Variants in ASIC2 observed in about 807,000 individuals in gnomAD.
The protein encoded by ASIC2 is acid sensing ion channel subunit 2, also known as acid-sensing ion channel 2.
In ASIC2, 25 loss-of-function variants were observed where a neutral mutation model predicts 57.3. The ratio of observed to expected loss-of-function variants is 0.44; its 90% confidence interval spans 0.32 to 0.61. The LOEUF (loss-of-function observed/expected upper bound fraction) is 0.61. Among genes scored for constraint, ASIC2 ranks in the 20% least tolerant of loss-of-function variants. The pLI is 0.06. For missense variants in ASIC2, 641 were observed against 738.1 expected, an observed-to-expected ratio of 0.87 and a Z score of 1.52; for synonymous variants, 319 against 307.5, an observed-to-expected ratio of 1.04 and a Z score of -0.39.
chr17:33,896,614 G>A (rs1284639099), intron 1 of ASIC2, among the ~76,000 whole-genome samples: 4 of 152,204 alleles, frequency 2.6e-5, no homozygotes, highest in Admixed American at 2.6e-4. Context: ...CCTATCGGGG[G>A]CTGTCTGTAG....
chr17:33,493,422 A>G (rs1259937404), intron 1 of ASIC2, among the ~76,000 whole-genome samples: 2 of 152,210 alleles, frequency 1.3e-5, no homozygotes, highest in Non-Finnish European at 2.9e-5. Flanking sequence ...TTGGATAACT[A>G]TAGTACAATC....
chr17:33,995,377 T>C (rs760467671), intron 1 of ASIC2, among the ~76,000 whole-genome samples: 2 of 152,156 alleles, frequency 1.3e-5, no homozygotes, highest in Non-Finnish European at 2.9e-5. Flanking sequence ...GAGTCTCCCC[T>C]GTCCATCCTT....
chr17:33,467,180 A>G (rs1597739010), intron 1 of ASIC2, among the ~76,000 whole-genome samples: 1 of 152,158 alleles, frequency 6.6e-6, no homozygotes, highest in African/African-American at 2.4e-5. Flanking sequence ...AGCTCAAGCG[A>G]TTTGCCTGCC....
At chr17:33,476,504 C>CATATAT (rs67811038) in intron 1 of ASIC2, among the ~76,000 whole-genome samples, 1,283 of 122,542 alleles carry the variant, frequency 0.01, 20 homozygotes, top group African/African-American at 0.018. Flanking sequence ...TGTGTGTGTG[C>CATATAT]ATATATATAT....
At chr17:33,881,973 G>A (rs1350166949) in intron 1 of ASIC2, among the ~76,000 whole-genome samples, 2 of 152,142 alleles carry the variant, frequency 1.3e-5, no homozygotes, top group Admixed American at 6.5e-5. Flanking sequence ...ACAACCATCT[G>A]ATCTTTGACA....
intron 1 of ASIC2, among the ~76,000 whole-genome samples, chr17:33,159,322 C>T (rs1441960348): frequency 2.0e-5 from 3 of 151,414 alleles, no homozygotes; most frequent in Admixed American, 6.6e-5. Flanking sequence ...AATCGTCTGC[C>T]TGTAACACTT....
At chr17:34,096,588 ATGG>A (rs1910554217) in intron 1 of ASIC2, among the ~76,000 whole-genome samples, 1 of 152,138 alleles carries the variant, frequency 6.6e-6, no homozygotes, top group Non-Finnish European at 1.5e-5. Flanking sequence ...TTGGCCGGGC[ATGG>A]TGGCTGTAAT....
chr17:33,894,836 G>A (rs1299224615), intron 1 of ASIC2, among the ~76,000 whole-genome samples: 4 of 152,138 alleles, frequency 2.6e-5, no homozygotes, highest in African/African-American at 7.2e-5. Flanking sequence ...AAAGGAATGA[G>A]ACAGGATGAA....
At chr17:33,688,501 A>G (rs954436049) in intron 1 of ASIC2, among the ~76,000 whole-genome samples, 1 of 152,228 alleles carries the variant, frequency 6.6e-6, no homozygotes, top group African/African-American at 2.4e-5. Context: ...GGCTGCCATC[A>G]AAGCTAACTC....
At chr17:33,069,913 T>C (rs981598960) in intron 3 of ASIC2, among the ~76,000 whole-genome samples, 5 of 152,320 alleles carry the variant, frequency 3.3e-5, no homozygotes, top group African/African-American at 1.2e-4. Flanking sequence ...TTTTCTCTTT[T>C]CTCCCTTCCC....
chr17:33,945,892 A>G (rs1035730077), intron 1 of ASIC2, among the ~76,000 whole-genome samples: 1 of 152,246 alleles, frequency 6.6e-6, no homozygotes, highest in African/African-American at 2.4e-5. Flanking sequence ...CACAAGTCTC[A>G]AAGTGGACAA....
intron 1 of ASIC2, among the ~76,000 whole-genome samples, chr17:33,729,129 G>A (rs914163300): frequency 3.3e-5 from 5 of 152,284 alleles, no homozygotes; most frequent in African/African-American, 1.2e-4. Flanking sequence ...ATTGGCTTAT[G>A]GCTCTGCAGA....
At chr17:33,470,881 T>C (rs1194763864) in intron 1 of ASIC2, among the ~76,000 whole-genome samples, 2 of 141,550 alleles carry the variant, frequency 1.4e-5, no homozygotes, top group African/African-American at 2.7e-5. Context: ...TTCTCAGTTA[T>C]GTTTCTGTTT....
intron 1 of ASIC2, among the ~76,000 whole-genome samples, chr17:33,517,444 C>T (rs1021212584): frequency 6.6e-6 from 1 of 152,244 alleles, no homozygotes; most frequent in African/African-American, 2.4e-5. Context: ...TACCCTACAC[C>T]TTAGCAATTT....
rs114088011 is a variant in ASIC2, at chr17:33,653,190, C to T, written c.555+502788G>A. On this transcript the variant is annotated intron_variant, in intron 1 of 9. Transcript: ENST00000359872. ...TAAAGGAAACTGGAGATCCAGATAG[C>T]GGAGAAGAGCTTGCTGGCCTTCTTC... Among the ~76,000 whole-genome samples, 468 of 152,276 alleles carry T rather than the reference C, an allele frequency of 3.1e-3. 1 individual carries two copies. The highest frequency in any genetic ancestry group is 0.011 in the African/African-American group (443 of 41,550).
intron 1 of ASIC2, chr17:34,036,693 T>G (rs941574181): frequency 2.1e-4 from 30 of 146,304 alleles, no homozygotes; most frequent in African/African-American, 6.5e-4. Context: ...TTTTTTTTTT[T>G]TTTTTTTTTT....
intron 1 of ASIC2, among the ~76,000 whole-genome samples, chr17:33,422,832 T>C (rs1911092561): frequency 6.6e-6 from 1 of 152,174 alleles, no homozygotes; most frequent in Non-Finnish European, 1.5e-5. Context: ...CTGCTAAGAT[T>C]AGTGGACTGG....
intron 1 of ASIC2, among the ~76,000 whole-genome samples, chr17:33,558,918 C>A (rs1367927921): frequency 2.0e-5 from 3 of 152,144 alleles, no homozygotes; most frequent in African/African-American, 2.4e-5. Context: ...AGGTTATGCA[C>A]CACCACGCCC....
intron 1 of ASIC2, among the ~76,000 whole-genome samples, chr17:34,098,170 G>A (rs79318764): frequency 0.016 from 2,372 of 152,252 alleles, 57 homozygotes; most frequent in East Asian, 0.059. Context: ...AAAGATATGT[G>A]ACCAGACACA....
Sources: gnomAD v4.1 joint callset for allele counts (sites outside exome capture counted in the v4.1 genomes callset) on GRCh38, gnomAD v4.1.1 for gene constraint, MANE v1.5 for transcripts, NCBI Gene and HGNC (gene_info 2026-07-23, HGNC 2026-07-21) for gene names.